The following RAB38 variants were observed in gnomAD, a reference collection of about 807,000 sequenced individuals.
RAB38 encodes the protein RAB38, member RAS oncogene family, also known as ras-related protein Rab-38.
A neutral mutation model predicts 18.4 loss-of-function variants in RAB38; 15 were observed. The ratio of observed to expected loss-of-function variants is 0.82; its 90% confidence interval spans 0.55 to 1.26. The LOEUF is 1.26. RAB38 is among the 50% of genes most tolerant of loss of function. The pLI is 0.00. For missense variants in RAB38, 294 were observed against 267.4 expected (o/e 1.10, Z -0.69); for synonymous variants, 101 against 104.4 (o/e 0.97, Z 0.20).
At chr11:87,897,064 AT>A in the RAB38 span, among the ~76,000 whole-genome samples, 2 of 151,596 alleles carry the variant, frequency 1.3e-5, no homozygotes, top group Admixed American at 1.3e-4. Flanking sequence ...AGAAGTCTAC[AT>A]TTTTTTCTCA....
chr11:88,119,630 G>C (rs1367915821), intron 2 of RAB38, among the ~76,000 whole-genome samples: 3 of 150,270 alleles, frequency 2.0e-5, no homozygotes, highest in Non-Finnish European at 4.4e-5. Context: ...TCTGTCTTGC[G>C]GCAAAGTATT....
chr11:87,807,562 T>C, the RAB38 span, among the ~76,000 whole-genome samples: 5 of 152,160 alleles, frequency 3.3e-5, 1 homozygote, highest in Non-Finnish European at 5.9e-5. Flanking sequence ...TTTTAACACA[T>C]AAAATTTAAT....
At chr11:87,965,056 A>G in the RAB38 span, among the ~76,000 whole-genome samples, 1 of 152,190 alleles carries the variant, frequency 6.6e-6, no homozygotes, top group Non-Finnish European at 1.5e-5. Context: ...TTTGTGCATT[A>G]TAGGATGTTT....
chr11:88,026,502 G>C, the RAB38 span, among the ~76,000 whole-genome samples: 1 of 144,578 alleles, frequency 6.9e-6, no homozygotes, highest in African/African-American at 2.6e-5. Context: ...GGCGGAGGTT[G>C]CAGTGAGCCA....
At chr11:87,830,299 G>A in the RAB38 span, among the ~76,000 whole-genome samples, 4 of 151,992 alleles carry the variant, frequency 2.6e-5, no homozygotes, top group Non-Finnish European at 5.9e-5. Context: ...GGGCAACATA[G>A]TGTAACCCCC....
chr11:87,825,451 G>A, the RAB38 span, among the ~76,000 whole-genome samples: 1 of 152,004 alleles, frequency 6.6e-6, no homozygotes, highest in Non-Finnish European at 1.5e-5. Flanking sequence ...CCCTCTTCTT[G>A]TCTCTTCACT....
chr11:87,857,136 A>T, the RAB38 span, among the ~76,000 whole-genome samples: 3 of 151,698 alleles, frequency 2.0e-5, no homozygotes, highest in Non-Finnish European at 4.4e-5. Context: ...TCCTTGTGAT[A>T]GTTTGCTGAG....
At chr11:87,817,693 T>C in the RAB38 span, 1 of 152,188 alleles carries the variant, frequency 6.6e-6, no homozygotes, top group African/African-American at 2.4e-5. Flanking sequence ...TTATGCAAAA[T>C]AGAGACTAGT....
the RAB38 span, among the ~76,000 whole-genome samples, chr11:88,043,816 G>C: frequency 1.3e-5 from 2 of 152,162 alleles, no homozygotes; most frequent in Non-Finnish European, 2.9e-5. Flanking sequence ...TGGCGCCATG[G>C]CTGGGATCAG....
At chr11:88,102,521 G>A in the RAB38 span, among the ~76,000 whole-genome samples, 1 of 152,004 alleles carries the variant, frequency 6.6e-6, no homozygotes. Flanking sequence ...TTAATCACAT[G>A]GCTATACTCA....
chr11:87,947,258 G>T, the RAB38 span, among the ~76,000 whole-genome samples: 1 of 151,440 alleles, frequency 6.6e-6, no homozygotes, highest in Admixed American at 6.6e-5. Context: ...TTGTAAATTT[G>T]TTTGAGTTCA....
At chr11:87,976,324 T>G in the RAB38 span, among the ~76,000 whole-genome samples, 16,440 of 142,904 alleles carry the variant, frequency 0.12, 1,572 homozygotes, top group East Asian at 0.35. Context: ...ATACCAGAGT[T>G]TTTTATATGT....
chr11:87,948,601 A>C, the RAB38 span, among the ~76,000 whole-genome samples: 2 of 152,042 alleles, frequency 1.3e-5, no homozygotes, highest in Non-Finnish European at 2.9e-5. Flanking sequence ...AGTTTTTAGC[A>C]TGAAGGGTTC....
At chr11:88,150,335 C>T (rs918583077) in intron 1 of RAB38, among the ~76,000 whole-genome samples, 1 of 152,152 alleles carries the variant, frequency 6.6e-6, no homozygotes. Context: ...AACTGCATGT[C>T]GCTAGTGCCT....
chr11:87,860,465 T>G, the RAB38 span, among the ~76,000 whole-genome samples: 2 of 151,984 alleles, frequency 1.3e-5, no homozygotes, highest in Admixed American at 6.6e-5. Context: ...CACTAATGAC[T>G]TTTAGAGAAG....
intron 1 of RAB38, among the ~76,000 whole-genome samples, chr11:88,159,474 G>GA (rs1248587951): frequency 2.0e-5 from 3 of 151,332 alleles, no homozygotes; most frequent in Non-Finnish European, 4.4e-5. Context: ...CACAGAACTA[G>GA]AAAAAACTAT....
the RAB38 span, among the ~76,000 whole-genome samples, chr11:88,026,125 T>C: frequency 1.3e-4 from 20 of 152,068 alleles, no homozygotes; most frequent in Non-Finnish European, 2.4e-4. Flanking sequence ...CCACCACGTC[T>C]GGCTAATTTT....
chr11:88,088,383 C>A, the RAB38 span, among the ~76,000 whole-genome samples: 1 of 151,920 alleles, frequency 6.6e-6, no homozygotes, highest in South Asian at 2.1e-4. Context: ...GACAGTTGTA[C>A]CCAATTAGTG....
chr11:88,095,916 C>T, the RAB38 span, among the ~76,000 whole-genome samples: 1 of 151,858 alleles, frequency 6.6e-6, no homozygotes, highest in Non-Finnish European at 1.5e-5. Flanking sequence ...AGTCAACACT[C>T]AGTGACTTTC....
Sources: gnomAD v4.1 joint callset for allele counts (sites outside exome capture counted in the v4.1 genomes callset) on GRCh38, gnomAD v4.1.1 for gene constraint, MANE v1.5 for transcripts, NCBI Gene and HGNC (gene_info 2026-07-23, HGNC 2026-07-21) for gene names.